Variants in STK38 observed in about 807,000 individuals in gnomAD.
STK38 encodes serine/threonine kinase 38.
A neutral mutation model predicts 59.0 loss-of-function variants in STK38; 26 were observed. The observed-to-expected ratio is 0.44, with a 90% CI of 0.32 to 0.61. STK38 has a LOEUF of 0.61. STK38 is among the 20% of genes least tolerant of loss of function. STK38 has a pLI of 0.04. For missense variants in STK38, 433 were observed against 566.0 expected, an observed-to-expected ratio of 0.76 and a Z score of 2.38; for synonymous variants, 175 against 176.6, an observed-to-expected ratio of 0.99 and a Z score of 0.07.
chr6:36,527,230 T>TATG (rs1561986951), intron 2 of STK38, among the ~76,000 whole-genome samples: 1 of 134,416 alleles, frequency 7.4e-6, no homozygotes, highest in African/African-American at 2.9e-5. Context: ...ATATATATAT[T>TATG]TATATGTATA....
chr6:36,505,359 A>G (rs1289581288), intron 9 of STK38, among the ~76,000 whole-genome samples: 2 of 152,252 alleles, frequency 1.3e-5, no homozygotes, highest in Non-Finnish European at 2.9e-5. Context: ...TTCCCAAGGA[A>G]GGGAGACTAT....
chr6:36,528,523 C>G (rs1777591270), intron 2 of STK38, among the ~76,000 whole-genome samples: 1 of 152,088 alleles, frequency 6.6e-6, no homozygotes, highest in Non-Finnish European at 1.5e-5. Context: ...AGACAGGAAA[C>G]AGAGAGAGGA....
At chr6:36,520,153 T>C (rs949707965) in intron 5 of STK38, among the ~76,000 whole-genome samples, 1 of 152,198 alleles carries the variant, frequency 6.6e-6, no homozygotes, top group Non-Finnish European at 1.5e-5. Context: ...AACTGGCTCA[T>C]AATGAGATCT....
At chr6:36,536,840 T>C (rs1777804050) in intron 2 of STK38, among the ~76,000 whole-genome samples, 1 of 151,846 alleles carries the variant, frequency 6.6e-6, no homozygotes, top group African/African-American at 2.4e-5. Context: ...CTGGCCCAAA[T>C]TAGTTAATTT....
chr6:36,510,948 C>A (rs1382214741), intron 7 of STK38, among the ~76,000 whole-genome samples: 2 of 152,242 alleles, frequency 1.3e-5, no homozygotes, highest in African/African-American at 4.8e-5. Context: ...AACACAGTAT[C>A]TGGCATATAA....
intron 6 of STK38, among the ~76,000 whole-genome samples, chr6:36,516,521 T>C (rs1777255906): frequency 6.6e-6 from 1 of 152,230 alleles, no homozygotes; most frequent in Non-Finnish European, 1.5e-5. Context: ...TGGAGAAAAG[T>C]AGCTATTTTT....
chr6:36,502,787 CT>C (rs927417008), intron 9 of STK38, among the ~76,000 whole-genome samples: 2 of 152,124 alleles, frequency 1.3e-5, no homozygotes, highest in African/African-American at 4.8e-5. Flanking sequence ...CACTCCTCTG[CT>C]TTTAAAAAGA....
intron 8 of STK38, among the ~76,000 whole-genome samples, chr6:36,507,198 A>G (rs2127470781): frequency 6.6e-6 from 1 of 152,174 alleles, no homozygotes; most frequent in African/African-American, 2.4e-5. Flanking sequence ...AATCTAGCCC[A>G]GAACTGTTCC....
intron 5 of STK38, among the ~76,000 whole-genome samples, chr6:36,519,260 G>A (rs911277449): frequency 3.9e-5 from 6 of 152,134 alleles, no homozygotes; most frequent in African/African-American, 1.4e-4. Flanking sequence ...ACAGTGCTAT[G>A]AAACACAATG....
chr6:36,503,261 C>A (rs142623273), intron 9 of STK38, among the ~76,000 whole-genome samples: 3 of 152,126 alleles, frequency 2.0e-5, no homozygotes, highest in African/African-American at 7.2e-5. Context: ...AATAAACCAA[C>A]TTTTTCCTTT....
At chr6:36,520,924 T>C (rs1002694984) in intron 5 of STK38, among the ~76,000 whole-genome samples, 3 of 152,176 alleles carry the variant, frequency 2.0e-5, no homozygotes, top group Admixed American at 6.5e-5. Flanking sequence ...GGCCCTAAAT[T>C]AGGAGTTCTC....
chr6:36,537,583 T>C (rs890622694), intron 2 of STK38, among the ~76,000 whole-genome samples: 30 of 152,138 alleles, frequency 2.0e-4, no homozygotes, highest in African/African-American at 7.0e-4. Context: ...TATTGATGCA[T>C]ATAGCAACAC....
chr6:36,517,112 C>T (rs910732876), intron 6 of STK38, among the ~76,000 whole-genome samples: 8 of 151,414 alleles, frequency 5.3e-5, no homozygotes, highest in Admixed American at 2.6e-4. Flanking sequence ...AGTTCTCTCT[C>T]TTTTTTTTTC....
Position 36,521,821 on chromosome 6 carries a change from A to C in STK38, c.307-4T>G. The C allele has an allele frequency of 6.2e-7, 1 of 1,607,374 alleles. No homozygotes were observed. The highest frequency in any genetic ancestry group is 8.5e-7 in the Non-Finnish European group (1 of 1,178,316). ...CTTTCTTCTGAACAAGCCGTACCTA[A>C]AAAGTTATAAAAGAAATGCCAAGTC... On this transcript the variant is annotated splice_region_variant and splice_polypyrimidine_tract_variant and intron_variant, in intron 4 of 13. Coordinates refer to ENST00000229812, the MANE Select transcript of STK38 (RefSeq NM_007271.4).
intron 2 of STK38, among the ~76,000 whole-genome samples, chr6:36,537,066 G>A (rs1304923097): frequency 6.6e-6 from 1 of 151,982 alleles, no homozygotes; most frequent in African/African-American, 2.4e-5. Context: ...AAGAACTCCT[G>A]CAACTCAATA....
chr6:36,513,617 C>T (rs543742501), intron 7 of STK38, among the ~76,000 whole-genome samples: 6 of 151,962 alleles, frequency 3.9e-5, no homozygotes, highest in African/African-American at 1.4e-4. Context: ...TGCCCGGCCC[C>T]GGCCTTTTTT....
At position 36,539,730 on chromosome 6, in the gene STK38, C is replaced by T. The variant is rs576495333; in HGVS notation, c.131+342G>A. Among the ~76,000 whole-genome samples the T allele has an allele frequency of 6.7e-5, 10 of 148,812 alleles. 1 individual carries two copies. In the South Asian group the frequency reaches 2.1e-3, roughly 32 times the overall value. On this transcript the variant is annotated intron_variant, in intron 2 of 13. Coordinates refer to ENST00000229812, the MANE Select transcript of STK38 (RefSeq NM_007271.4). ...ACCACTCTGCCTTAACAATCAACTCCTTGGATTGGGCCTAATTTTTTTTTT... is the reference window on the plus strand; with the variant it reads ...ACCACTCTGCCTTAACAATCAACTCTTTGGATTGGGCCTAATTTTTTTTTT...
intron 2 of STK38, among the ~76,000 whole-genome samples, chr6:36,535,667 G>C (rs1227866850): frequency 6.6e-6 from 1 of 151,832 alleles, no homozygotes; most frequent in East Asian, 1.9e-4. Context: ...CATGAAGTCA[G>C]GAGATCGAGA....
intron 2 of STK38, among the ~76,000 whole-genome samples, chr6:36,527,207 A>AAAAAAAAAAAAATATATATAT (rs60162863): frequency 1.7e-5 from 2 of 119,352 alleles, no homozygotes; most frequent in African/African-American, 7.0e-5. Context: ...AAAAAAAAAA[A>AAAAAAAAAAAAATATATATAT]ATATATGTAT....
Sources: allele counts gnomAD v4.1 joint callset (sites outside exome capture counted in the v4.1 genomes callset), GRCh38; gene constraint gnomAD v4.1.1; transcripts MANE v1.5; gene names NCBI Gene and HGNC (gene_info 2026-07-23, HGNC 2026-07-21).